The following KCNIP4 variants were observed in gnomAD, a reference collection of about 807,000 sequenced individuals.
The protein encoded by KCNIP4 is Kv channel-interacting protein 4.
In KCNIP4, 12 loss-of-function variants were observed where a neutral mutation model predicts 34.0. That is an observed-to-expected ratio of 0.35 (90% CI 0.23 to 0.57). KCNIP4 has a LOEUF of 0.57. Ranked by LOEUF, KCNIP4 falls within the 20% of genes least tolerant of loss-of-function variation. The pLI is 0.83. For missense variants in KCNIP4, 238 were observed against 311.7 expected (o/e 0.76, Z 1.78); for synonymous variants, 124 against 102.2 (o/e 1.21, Z -1.29).
At chr4:20,996,865 T>C (rs1044250676) in intron 1 of KCNIP4, among the ~76,000 whole-genome samples, 2 of 152,138 alleles carry the variant, frequency 1.3e-5, no homozygotes, top group Non-Finnish European at 2.9e-5. Flanking sequence ...TTCATCTCAC[T>C]GTCTCCAGGA....
At chr4:20,950,601 C>T (rs1439227041) in intron 1 of KCNIP4, among the ~76,000 whole-genome samples, 1 of 152,074 alleles carries the variant, frequency 6.6e-6, no homozygotes, top group African/African-American at 2.4e-5. Flanking sequence ...GTACTCTGCA[C>T]AGGCAAGTGT....
chr4:20,784,832 CAGA>C (rs1255816656), intron 3 of KCNIP4, among the ~76,000 whole-genome samples: 2 of 152,078 alleles, frequency 1.3e-5, no homozygotes, highest in African/African-American at 2.4e-5. Flanking sequence ...CGGTTCATCA[CAGA>C]AGGAGTTTTG....
At chr4:20,921,098 G>C (rs766180299) in intron 1 of KCNIP4, among the ~76,000 whole-genome samples, 1 of 152,154 alleles carries the variant, frequency 6.6e-6, no homozygotes, top group Non-Finnish European at 1.5e-5. Flanking sequence ...TGTTTCTACA[G>C]TCCAGTTAAG....
rs116644791 is a variant in KCNIP4, at chr4:21,733,754, C to G, written c.61+214817G>C. On this transcript the variant is annotated intron_variant, in intron 1 of 8. Transcript: ENST00000382152. ...TGGGGAGTGGGGAGGATAACTTCCC[C>G]AAGGGATATAGCAGTATCTTAAAAT... Among the ~76,000 whole-genome samples, 213 of 152,142 alleles carry G rather than the reference C, an allele frequency of 1.4e-3. 1 individual carries two copies. The highest frequency in any genetic ancestry group is 4.7e-3 in the African/African-American group (195 of 41,542).
At position 21,879,133 on chromosome 4, in the gene KCNIP4, A is replaced by G. The variant is rs142608814; in HGVS notation, c.61+69438T>C. Among the ~76,000 whole-genome samples, 1,063 of 152,254 alleles carry G rather than the reference A, an allele frequency of 7.0e-3. 11 individuals are homozygous for G. The highest frequency in any genetic ancestry group is 0.022 in the African/African-American group (924 of 41,542). On this transcript the variant is annotated intron_variant, in intron 1 of 8. Transcript: ENST00000382152. ...TCCCCCCTTAGGTCCTTTATATTGC[A>G]AAATGAAAATATGAACATATGCCAT...
At chr4:21,137,224 T>C (rs534598778) in intron 1 of KCNIP4, among the ~76,000 whole-genome samples, 70 of 152,296 alleles carry the variant, frequency 4.6e-4, no homozygotes, top group African/African-American at 1.6e-3. Context: ...ACCAGTGCAC[T>C]GGAAGAGCTC....
chr4:21,920,998 T>C (rs1728911572), intron 1 of KCNIP4, among the ~76,000 whole-genome samples: 1 of 152,206 alleles, frequency 6.6e-6, no homozygotes, highest in East Asian at 1.9e-4. Context: ...CTCTAATCAT[T>C]GGACTTTTAC....
At chr4:20,950,979 C>T (rs900373521) in intron 1 of KCNIP4, among the ~76,000 whole-genome samples, 1 of 152,042 alleles carries the variant, frequency 6.6e-6, no homozygotes, top group African/African-American at 2.4e-5. Context: ...AGCCCTAGCC[C>T]CCAGTGTGGC....
At chr4:21,009,011 T>A (rs1738826677) in intron 1 of KCNIP4, among the ~76,000 whole-genome samples, 1 of 147,606 alleles carries the variant, frequency 6.8e-6, no homozygotes, top group Admixed American at 6.7e-5. Context: ...ACTATTGCAC[T>A]AGAAAAAAAA....
chr4:20,969,107 T>G (rs531376992), intron 1 of KCNIP4, among the ~76,000 whole-genome samples: 27 of 152,274 alleles, frequency 1.8e-4, no homozygotes, highest in Middle Eastern at 3.4e-3. Flanking sequence ...AAATACTTCA[T>G]CTGGTACAAA....
intron 1 of KCNIP4, among the ~76,000 whole-genome samples, chr4:21,318,988 C>A (rs1250125810): frequency 1.3e-5 from 2 of 152,080 alleles, no homozygotes; most frequent in Non-Finnish European, 2.9e-5. Flanking sequence ...AATGGTTGTA[C>A]ACACCTGTGA....
At chr4:21,621,762 T>G (rs1745012848) in intron 1 of KCNIP4, among the ~76,000 whole-genome samples, 1 of 152,184 alleles carries the variant, frequency 6.6e-6, no homozygotes, top group Non-Finnish European at 1.5e-5. Context: ...CACGAAGGTC[T>G]GAAGCTGGTC....
chr4:21,692,608 T>C (rs1439950861), intron 1 of KCNIP4, among the ~76,000 whole-genome samples: 4 of 152,262 alleles, frequency 2.6e-5, no homozygotes, highest in African/African-American at 9.6e-5. Flanking sequence ...TGTAACATGG[T>C]GGTATTTTAT....
rs1268388013 is a variant in KCNIP4, at chr4:21,243,869, A to T, written c.62-361160T>A. ...GAGGCCTCGGTGTTTGGAGAAAATT[A>T]ATGGTCAGTTTTTTGGAGAGAAAAT... On this transcript the variant is annotated intron_variant, in intron 1 of 8. Coordinates refer to ENST00000382152, the MANE Select transcript of KCNIP4 (RefSeq NM_025221.6). 2.6e-5 allele frequency among the ~76,000 whole-genome samples: 4 copies of T among 152,164 alleles called. No homozygotes were observed. The East Asian group carries it at 7.7e-4, about 29-fold the overall frequency.
chr4:20,969,898 T>A (rs1200209380), intron 1 of KCNIP4, among the ~76,000 whole-genome samples: 1 of 151,546 alleles, frequency 6.6e-6, no homozygotes, highest in Non-Finnish European at 1.5e-5. Flanking sequence ...GGATCAGATA[T>A]ACATGGAGAA....
intron 1 of KCNIP4, among the ~76,000 whole-genome samples, chr4:21,101,480 A>C (rs1560790): frequency 0.29 from 43,740 of 152,046 alleles, 6,908 homozygotes; most frequent in African/African-American, 0.43. Context: ...TGTGACTGTG[A>C]ATAGTGCTGC....
At chr4:20,840,535 A>G (rs1719593236) in intron 3 of KCNIP4, among the ~76,000 whole-genome samples, 1 of 152,146 alleles carries the variant, frequency 6.6e-6, no homozygotes, top group Non-Finnish European at 1.5e-5. Context: ...AAATAGGCCC[A>G]TCAAATGCCC....
intron 1 of KCNIP4, among the ~76,000 whole-genome samples, chr4:21,728,307 G>T (rs148125199): frequency 6.6e-6 from 1 of 152,058 alleles, no homozygotes. Flanking sequence ...TCTCCCAGGT[G>T]CTCAGGTTAA....
At chr4:21,128,513 G>T (rs985360246) in intron 1 of KCNIP4, among the ~76,000 whole-genome samples, 20 of 152,150 alleles carry the variant, frequency 1.3e-4, no homozygotes, top group African/African-American at 4.8e-4. Flanking sequence ...TCCCTGAAAT[G>T]GTTTGCCTCC....
Sources: allele counts gnomAD v4.1 joint callset (sites outside exome capture counted in the v4.1 genomes callset), GRCh38; gene constraint gnomAD v4.1.1; transcripts MANE v1.5; gene names NCBI Gene and HGNC (gene_info 2026-07-23, HGNC 2026-07-21).